CCDC60: variants seen among roughly 807,000 people sequenced by gnomAD.
CCDC60 encodes coiled-coil domain containing 60.
In CCDC60, 54 loss-of-function variants were observed where a neutral mutation model predicts 63.5. The observed-to-expected ratio is 0.85, with a 90% CI of 0.68 to 1.07. CCDC60 has a LOEUF of 1.07. CCDC60 is among the 50% of genes least tolerant of loss of function. The pLI, the probability that CCDC60 is intolerant of heterozygous loss-of-function variation, is 0.00. For missense variants in CCDC60, 651 were observed against 684.3 expected (o/e 0.95, Z 0.54); for synonymous variants, 206 against 238.8 (o/e 0.86, Z 1.27).
At chr12:119,454,452 G>C (rs1950689327) in intron 2 of CCDC60, among the ~76,000 whole-genome samples, 1 of 152,058 alleles carries the variant, frequency 6.6e-6, no homozygotes, top group African/African-American at 2.4e-5. Context: ...TTTCTTACAG[G>C]CTCAGACTCA....
chr12:119,482,698 CT>C (rs1208711646), intron 4 of CCDC60, among the ~76,000 whole-genome samples: 41 of 152,126 alleles, frequency 2.7e-4, no homozygotes, highest in Non-Finnish European at 1.0e-4. Flanking sequence ...CATGGAGTGG[CT>C]TAAAACAACG....
chr12:119,499,819 T>C (rs994915414), intron 5 of CCDC60, among the ~76,000 whole-genome samples: 1 of 151,924 alleles, frequency 6.6e-6, no homozygotes, highest in Non-Finnish European at 1.5e-5. Context: ...AAAATACAAA[T>C]AGATGCAAAA....
rs577852191 is a variant in CCDC60, at chr12:119,404,322, T to C, written c.91-24361T>C. On this transcript the variant is annotated intron_variant, in intron 1 of 13. Transcript: ENST00000327554. ...AATAAAAAGTCATTTTGTTTATCCT[T>C]CTGACTGTCCTCCACCCTTGCTGGG... Among the ~76,000 whole-genome samples the C allele has an allele frequency of 1.1e-3, 163 of 152,230 alleles. 1 individual carries two copies. Among genetic ancestry groups the C allele is most frequent in the African/African-American group, 3.8e-3 (158 of 41,546 alleles).
chr12:119,520,028 T>A, intron 8 of CCDC60, 93 bp from the exon 9 acceptor site: 1 of 1,061,164 alleles, frequency 9.4e-7, no homozygotes, highest in Non-Finnish European at 1.4e-6. Flanking sequence ...ATTCTTGCTC[T>A]AGAAAGAGAA....
chr12:119,431,609 AG>A (rs774621300), intron 2 of CCDC60, among the ~76,000 whole-genome samples: 1 of 152,164 alleles, frequency 6.6e-6, no homozygotes, highest in Non-Finnish European at 1.5e-5. Context: ...CCAGGCAAAA[AG>A]GAGGTTTGTT....
chr12:119,421,112 A>G (rs1457805504), intron 1 of CCDC60, among the ~76,000 whole-genome samples: 2 of 152,228 alleles, frequency 1.3e-5, no homozygotes, highest in East Asian at 3.8e-4. Context: ...CACATTTAAC[A>G]GGAATTCACT....
intron 2 of CCDC60, among the ~76,000 whole-genome samples, chr12:119,458,106 G>A (rs1231413250): frequency 6.6e-6 from 1 of 152,230 alleles, no homozygotes; most frequent in Non-Finnish European, 1.5e-5. Context: ...TGGGCTGACA[G>A]AGCAAGGCCT....
intron 1 of CCDC60, among the ~76,000 whole-genome samples, chr12:119,343,073 A>G (rs1042165177): frequency 6.6e-6 from 1 of 152,230 alleles, no homozygotes; most frequent in Admixed American, 6.5e-5. Context: ...GACTGAATAA[A>G]CCAACATATT....
At chr12:119,522,865 C>T in intron 9 of CCDC60, 74 bp from the exon 10 acceptor site, 1 of 1,319,876 alleles carries the variant, frequency 7.6e-7, no homozygotes, top group Admixed American at 1.7e-5. Flanking sequence ...TAGCAGGTGC[C>T]ATGGAGCACT....
chr12:119,426,820 C>G (rs2136229704), intron 1 of CCDC60, among the ~76,000 whole-genome samples: 1 of 152,350 alleles, frequency 6.6e-6, no homozygotes, highest in South Asian at 2.1e-4. Context: ...CCTTCCTCCA[C>G]TTCATCTCCC....
At chr12:119,404,261 G>A (rs537650630) in intron 1 of CCDC60, among the ~76,000 whole-genome samples, 2 of 152,322 alleles carry the variant, frequency 1.3e-5, no homozygotes, top group African/African-American at 4.8e-5. Flanking sequence ...CTGCACTCCA[G>A]CCTGGTTGAC....
chr12:119,421,254 C>T (rs189907963), intron 1 of CCDC60, among the ~76,000 whole-genome samples: 5 of 152,326 alleles, frequency 3.3e-5, no homozygotes, highest in East Asian at 1.9e-4. Context: ...TGACCTCCAA[C>T]AAATCATTCT....
chr12:119,534,072 G>A (rs1035313449), intron 13 of CCDC60, among the ~76,000 whole-genome samples: 3 of 152,118 alleles, frequency 2.0e-5, no homozygotes, highest in Admixed American at 1.3e-4. Context: ...TTTTCCATTT[G>A]TTTGTGTCCT....
chr12:119,534,474 C>T (rs111516929), intron 13 of CCDC60, among the ~76,000 whole-genome samples: 8 of 152,256 alleles, frequency 5.3e-5, no homozygotes, highest in South Asian at 4.2e-4. Flanking sequence ...TGGTGAGAGA[C>T]GGCATCCCTG....
intron 1 of CCDC60, among the ~76,000 whole-genome samples, chr12:119,419,811 T>C (rs2136216059): frequency 6.6e-6 from 1 of 151,020 alleles, no homozygotes; most frequent in African/African-American, 2.4e-5. Context: ...TCCCTGACAA[T>C]CAAAATTTCC....
chr12:119,479,995 TACACACACACACACACAC>T (rs56080581), intron 4 of CCDC60, among the ~76,000 whole-genome samples: 31 of 122,076 alleles, frequency 2.5e-4, no homozygotes, highest in African/African-American at 4.3e-4. Flanking sequence ...CCGTACATCA[TACACACACACACACACAC>T]ACACACACAC....
chr12:119,487,004 C>A (rs189372008), intron 4 of CCDC60, among the ~76,000 whole-genome samples: 5 of 152,052 alleles, frequency 3.3e-5, no homozygotes, highest in African/African-American at 9.6e-5. Context: ...AGAAATCTTG[C>A]GGGGAGGGGG....
chr12:119,392,352 T>A (rs1956174531), intron 1 of CCDC60, among the ~76,000 whole-genome samples: 1 of 152,224 alleles, frequency 6.6e-6, no homozygotes, highest in South Asian at 2.1e-4. Flanking sequence ...AGCTCCACTC[T>A]CTTCACCTCT....
At chr12:119,356,643 C>T (rs1592987000) in intron 1 of CCDC60, among the ~76,000 whole-genome samples, 1 of 152,172 alleles carries the variant, frequency 6.6e-6, no homozygotes, top group Non-Finnish European at 1.5e-5. Flanking sequence ...CCTTTATTGG[C>T]TCTTGGTCCA....
Sources: gnomAD v4.1 joint callset for allele counts (sites outside exome capture counted in the v4.1 genomes callset) on GRCh38, gnomAD v4.1.1 for gene constraint, MANE v1.5 for transcripts, NCBI Gene and HGNC (gene_info 2026-07-23, HGNC 2026-07-21) for gene names.